LRPPRC: variants seen among roughly 807,000 people sequenced by gnomAD.
LRPPRC encodes the protein leucine-rich PPR motif-containing protein, mitochondrial.
In LRPPRC, 120 loss-of-function variants were observed where a neutral mutation model predicts 180.3. The ratio of observed to expected loss-of-function variants is 0.67; its 90% CI spans 0.57 to 0.77. LRPPRC has a LOEUF of 0.77. LRPPRC is among the 30% of genes least tolerant of loss of function. The probability of loss-of-function intolerance (pLI) is 0.00; values close to 1 mark genes in which losing one functional copy is unlikely to be tolerated. For missense variants in LRPPRC, 2,012 were observed against 1,657.2 expected, an observed-to-expected ratio of 1.21 and a Z score of -3.72; for synonymous variants, 723 against 600.0, an observed-to-expected ratio of 1.21 and a Z score of -3.00.
intron 29 of LRPPRC, among the ~76,000 whole-genome samples, chr2:43,915,198 ACTCTCT>A (rs142492838): frequency 0.011 from 707 of 63,398 alleles, 6 homozygotes; most frequent in Non-Finnish European, 0.016. Context: ...ACAGAACAAG[ACTCTCT>A]CTCTCTCTCT....
chr2:43,895,392 T>G lies in LRPPRC; in HGVS notation c.3901-763A>C, dbSNP rs145660127. On this transcript the variant is annotated intron_variant, in intron 35 of 37. Coordinates refer to ENST00000260665, the MANE Select transcript of LRPPRC (RefSeq NM_133259.4). ...CCTGGACCTGCATCCTCCCAGGGCT[T>G]CTTCTATTTTAAACTGTCCTGGGTG... Among the ~76,000 whole-genome samples the G allele has an allele frequency of 5.1e-4, 77 of 152,320 alleles. 1 individual carries two copies. The highest frequency in any genetic ancestry group is 1.7e-3 in the African/African-American group (69 of 41,560).
At chr2:43,978,377 C>G (rs1674150230) in intron 3 of LRPPRC, among the ~76,000 whole-genome samples, 1 of 152,092 alleles carries the variant, frequency 6.6e-6, no homozygotes, top group African/African-American at 2.4e-5. Context: ...CCATGGATTC[C>G]ATCCTTATAA....
Position 43,899,322 on chromosome 2 carries a change from G to A in LRPPRC, c.3722C>T (p.Ala1241Val), listed in dbSNP as rs1405427723. ...EPAVEKISIM[A>V]ERLANQFAIY... ...TGCAAACTGATTGGCCAATCTCTCC[G>A]CCATGATGCTTACTGGAAAAATGAC... The change falls in exon 34 of 38, where the codon GCG (alanine) becomes GTG (valine). Residue 1241 changes from alanine to valine, a missense_variant. Ala to Val is a moderately conservative substitution (Grantham distance 64). Transcript: ENST00000260665. 11 of 1,613,310 alleles carry A rather than the reference G, an allele frequency of 6.8e-6. No homozygotes were observed. The highest frequency in any genetic ancestry group is 2.7e-5 in the African/African-American group (2 of 74,884).
intron 13 of LRPPRC, among the ~76,000 whole-genome samples, chr2:43,959,530 G>A (rs1305378542): frequency 6.6e-6 from 1 of 152,110 alleles, no homozygotes; most frequent in African/African-American, 2.4e-5. Flanking sequence ...ATATTTTTCA[G>A]AAGATCTGAA....
At chr2:43,918,004 C>A in intron 29 of LRPPRC, 21 bp downstream of exon 29, 1 of 1,529,124 alleles carries the variant, frequency 6.5e-7, no homozygotes, top group Non-Finnish European at 9.1e-7. Context: ...CACACACACC[C>A]CCATCCCCGT....
intron 22 of LRPPRC, 70 bp from the exon 23 acceptor site, chr2:43,943,964 C>T (rs529152122): frequency 2.6e-5 from 28 of 1,056,636 alleles, no homozygotes; most frequent in South Asian, 2.6e-4. Context: ...ATTAAAACAG[C>T]ATTTCAAGCC....
At chr2:43,971,892 A>G (rs527989073) in intron 11 of LRPPRC, among the ~76,000 whole-genome samples, 4 of 152,330 alleles carry the variant, frequency 2.6e-5, no homozygotes, top group African/African-American at 9.6e-5. Context: ...TAAAAATTGT[A>G]AAACTGACAA....
chr2:43,940,401 T>C (rs1672436001), intron 23 of LRPPRC, among the ~76,000 whole-genome samples: 1 of 152,236 alleles, frequency 6.6e-6, no homozygotes, highest in Non-Finnish European at 1.5e-5. Context: ...AGTGTTACAG[T>C]GAGTTCCAAA....
chr2:43,951,297 T>A (rs1196025180), intron 14 of LRPPRC, among the ~76,000 whole-genome samples: 1 of 152,242 alleles, frequency 6.6e-6, no homozygotes, highest in African/African-American at 2.4e-5. Flanking sequence ...TTTTTTTGGT[T>A]AGGCTACAAA....
intron 11 of LRPPRC, among the ~76,000 whole-genome samples, chr2:43,968,064 G>A (rs147876479): frequency 6.6e-6 from 1 of 151,998 alleles, no homozygotes; most frequent in Admixed American, 6.5e-5. Context: ...TAAAGTAAAC[G>A]GCTAAGTTGC....
rs7562251 is a variant in LRPPRC, at chr2:43,911,617, C to G, written c.3275+815G>C. Reference sequence around the variant, plus strand: ...TCTCAGCTCAACGCAACCTCCACCTCCTGGGTTCAAGTGATACTCCTGCCT... The same window carrying G: ...TCTCAGCTCAACGCAACCTCCACCTGCTGGGTTCAAGTGATACTCCTGCCT... On this transcript the variant is annotated intron_variant, in intron 30 of 37. Transcript: ENST00000260665. 3.8e-3 allele frequency among the ~76,000 whole-genome samples: 564 copies of G among 149,004 alleles called. 6 individuals carry two copies. The highest frequency in any genetic ancestry group is 0.013 in the African/African-American group (539 of 40,424).
At chr2:43,894,513 T>C in intron 36 of LRPPRC, 32 bp downstream of exon 36, 1 of 1,032,004 alleles carries the variant, frequency 9.7e-7, no homozygotes, top group East Asian at 2.4e-5. Flanking sequence ...GCCATTTAAA[T>C]AAATAATATA....
chr2:43,973,563 T>C, intron 11 of LRPPRC, 44 bp downstream of exon 11: 4 of 1,231,778 alleles, frequency 3.2e-6, no homozygotes, highest in East Asian at 4.6e-5. Context: ...ACTGTCATAC[T>C]GGCTCTGGGA....
In LRPPRC at chr2:43,925,159, T is replaced by C; in HGVS notation, c.2806-2A>G. The C allele has an allele frequency of 6.7e-7, 1 of 1,497,996 alleles. No individual in the cohort carries two copies. Among genetic ancestry groups the C allele is most frequent in the Non-Finnish European group, 9.3e-7 (1 of 1,074,386 alleles). 92.8% of individuals were successfully genotyped at this position (1,497,996 alleles called of 1,614,324 possible). On this transcript the variant is annotated splice_acceptor_variant, in intron 26 of 37. Coordinates refer to ENST00000260665, the MANE Select transcript of LRPPRC (RefSeq NM_133259.4). LOFTEE classifies it high-confidence loss of function. ...CACTAATTTTTCCAGAGTTTCAACC[T>C]TAAAAGTAAGATTAAGAGATAGATC...
intron 23 of LRPPRC, among the ~76,000 whole-genome samples, chr2:43,935,661 AT>A (rs36107906): frequency 0.29 from 44,438 of 152,070 alleles, 8,021 homozygotes; most frequent in East Asian, 0.95. Flanking sequence ...CTTAAGAAGT[AT>A]TTTCCCCCCA....
intron 12 of LRPPRC, among the ~76,000 whole-genome samples, chr2:43,961,462 A>G (rs1276200284): frequency 1.3e-5 from 2 of 152,220 alleles, no homozygotes; most frequent in Non-Finnish European, 2.9e-5. Flanking sequence ...TATGAACAGT[A>G]TACTTTCTTG....
chr2:43,958,220 T>A (rs1673202339), intron 13 of LRPPRC, among the ~76,000 whole-genome samples: 1 of 152,204 alleles, frequency 6.6e-6, no homozygotes, highest in Non-Finnish European at 1.5e-5. Context: ...TTCCCTGTAA[T>A]TGTACTAAAA....
intron 6 of LRPPRC, 92 bp downstream of exon 6, chr2:43,976,051 C>T: frequency 1.4e-6 from 1 of 734,330 alleles, no homozygotes; most frequent in Non-Finnish European, 2.4e-6. Context: ...CTAATTTAAA[C>T]CCCACTTAAC....
chr2:43,917,990 C>A, intron 29 of LRPPRC, 35 bp downstream of exon 29: 2 of 1,370,216 alleles, frequency 1.5e-6, no homozygotes, highest in South Asian at 1.2e-5. Flanking sequence ...GAAGACCACC[C>A]CCCCACACAC....
Sources: gnomAD v4.1 joint callset for allele counts (sites outside exome capture counted in the v4.1 genomes callset) on GRCh38, gnomAD v4.1.1 for gene constraint, MANE v1.5 for transcripts, NCBI Gene and HGNC (gene_info 2026-07-23, HGNC 2026-07-21) for gene names.